Variants in PTPRD observed in about 807,000 individuals in gnomAD.
The protein encoded by PTPRD is protein tyrosine phosphatase receptor type D.
PTPRD carries 34 observed loss-of-function variants against 214.5 expected under a neutral mutation model. The observed-to-expected ratio is 0.16, with a 90% CI of 0.12 to 0.21. The LOEUF is 0.21. Ranked by LOEUF, PTPRD falls within the 10% of genes least tolerant of loss-of-function variation. PTPRD has a pLI of 1.00. For missense variants in PTPRD, 2,545 were observed against 2,398.7 expected, an observed-to-expected ratio of 1.06 and a Z score of -1.27; for synonymous variants, 1,128 against 845.7, an observed-to-expected ratio of 1.33 and a Z score of -5.79.
rs149346175 is a variant in PTPRD at position 8,390,489 on chromosome 9, C to T, written c.4211-1082G>A. Reference sequence around the variant, plus strand: ...GAGTACCCTGAGACATCAGAACTCCCTTGACAGCCCTTTATACTACTGATT... The same window carrying T: ...GAGTACCCTGAGACATCAGAACTCCTTTGACAGCCCTTTATACTACTGATT... On this transcript the variant is annotated intron_variant, in intron 36 of 45. Coordinates refer to ENST00000381196, the MANE Select transcript of PTPRD (RefSeq NM_002839.4). Among the ~76,000 whole-genome samples the T allele has an allele frequency of 3.3e-4, 51 of 152,240 alleles. 1 individual carries two copies. In the East Asian group the frequency reaches 9.9e-3, roughly 29 times the overall value.
chr9:8,897,766 T>C (rs1349294109), intron 11 of PTPRD, among the ~76,000 whole-genome samples: 1 of 152,160 alleles, frequency 6.6e-6, no homozygotes, highest in African/African-American at 2.4e-5. Context: ...CTGGAAAGAA[T>C]GCTGAGTTGG....
chr9:8,833,753 T>A (rs1195376533), intron 11 of PTPRD, among the ~76,000 whole-genome samples: 1 of 144,554 alleles, frequency 6.9e-6, no homozygotes, highest in Non-Finnish European at 1.5e-5. Context: ...CACACGATTC[T>A]ATATATATTA....
chr9:8,957,504 A>G (rs1339758407), intron 11 of PTPRD, among the ~76,000 whole-genome samples: 1 of 151,740 alleles, frequency 6.6e-6, no homozygotes, highest in Non-Finnish European at 1.5e-5. Flanking sequence ...AACCCTGTCC[A>G]CTATAAGTCA....
At chr9:8,833,051 T>C (rs2097331726) in intron 11 of PTPRD, among the ~76,000 whole-genome samples, 1 of 152,130 alleles carries the variant, frequency 6.6e-6, no homozygotes, top group Non-Finnish European at 1.5e-5. Context: ...TGATATCTTC[T>C]GTGTGCGACC....
chr9:8,942,915 G>A (rs569590017), intron 11 of PTPRD, among the ~76,000 whole-genome samples: 6 of 152,080 alleles, frequency 3.9e-5, no homozygotes, highest in Admixed American at 6.6e-5. Context: ...TATTAAATAA[G>A]TTTAGATTGA....
At chr9:9,950,444 G>GATCAAACTATCTTTTATACC (rs1586923741) in intron 4 of PTPRD, among the ~76,000 whole-genome samples, 2 of 96,214 alleles carry the variant, frequency 2.1e-5, no homozygotes, top group African/African-American at 7.9e-5. Flanking sequence ...GAAAGTGGAG[G>GATCAAACTATCTTTTATACC]CCGGGCGCGG....
chr9:9,186,996 A>G (rs1196285412), intron 9 of PTPRD, among the ~76,000 whole-genome samples: 1 of 151,730 alleles, frequency 6.6e-6, no homozygotes, highest in Non-Finnish European at 1.5e-5. Flanking sequence ...AGTATTATAT[A>G]AAATATAATA....
chr9:9,786,313 TATTGATAC>T (rs1268184205), intron 5 of PTPRD, among the ~76,000 whole-genome samples: 2 of 152,348 alleles, frequency 1.3e-5, no homozygotes, highest in African/African-American at 4.8e-5. Context: ...TTTTGAGAAT[TATTGATAC>T]ATTTGCATGC....
At chr9:9,685,327 A>G (rs2097148538) in intron 7 of PTPRD, among the ~76,000 whole-genome samples, 2 of 151,286 alleles carry the variant, frequency 1.3e-5, no homozygotes, top group South Asian at 4.1e-4. Context: ...TGGAATCCAC[A>G]TATATGCACA....
intron 9 of PTPRD, among the ~76,000 whole-genome samples, chr9:9,371,731 C>G (rs991913166): frequency 1.4e-4 from 22 of 152,124 alleles, no homozygotes; most frequent in Non-Finnish European, 2.2e-4. Context: ...ATCTTTCCTG[C>G]TTTCTCTTGT....
At chr9:10,341,229 G>GT (rs2096933446) in intron 2 of PTPRD, among the ~76,000 whole-genome samples, 1 of 151,880 alleles carries the variant, frequency 6.6e-6, no homozygotes, top group Admixed American at 6.6e-5. Context: ...ATGAAAAATT[G>GT]TAACACTTAA....
chr9:9,639,846 T>C (rs2095879480), intron 7 of PTPRD, among the ~76,000 whole-genome samples: 1 of 152,200 alleles, frequency 6.6e-6, no homozygotes, highest in Non-Finnish European at 1.5e-5. Flanking sequence ...GTGATCTTAT[T>C]ATCTCTAAGC....
chr9:8,477,893 C>T (rs1055478575), intron 30 of PTPRD, among the ~76,000 whole-genome samples: 10 of 152,226 alleles, frequency 6.6e-5, no homozygotes, highest in African/African-American at 2.4e-4. Context: ...TGGAGCCAGA[C>T]TGCCTGGATT....
intron 3 of PTPRD, among the ~76,000 whole-genome samples, chr9:10,238,698 G>A (rs1479741417): frequency 1.3e-5 from 2 of 151,908 alleles, no homozygotes; most frequent in African/African-American, 4.8e-5. Context: ...AAAAATTGTA[G>A]ACAATAATAT....
chr9:9,076,333 C>T (rs537608653), intron 10 of PTPRD, among the ~76,000 whole-genome samples: 164 of 152,210 alleles, frequency 1.1e-3, no homozygotes, highest in Non-Finnish European at 1.8e-3. Flanking sequence ...TTCCCCCGTT[C>T]TGTAGGTTGC....
chr9:10,230,065 G>T (rs544894130), intron 3 of PTPRD, among the ~76,000 whole-genome samples: 39 of 152,024 alleles, frequency 2.6e-4, no homozygotes, highest in African/African-American at 7.9e-4. Context: ...TGTATAAGCT[G>T]GTGCATTAGT....
At chr9:10,028,002 T>C (rs1362921247) in intron 4 of PTPRD, among the ~76,000 whole-genome samples, 1 of 152,216 alleles carries the variant, frequency 6.6e-6, no homozygotes, top group Non-Finnish European at 1.5e-5. Flanking sequence ...ATGGGTCATA[T>C]GGTTTGACTT....
At chr9:9,322,278 G>C (rs1456223974) in intron 9 of PTPRD, among the ~76,000 whole-genome samples, 1 of 152,158 alleles carries the variant, frequency 6.6e-6, no homozygotes, top group East Asian at 1.9e-4. Context: ...AACGATAAAA[G>C]CTACTGATTA....
chr9:10,305,776 A>G (rs1034323284), intron 3 of PTPRD, among the ~76,000 whole-genome samples: 1 of 152,006 alleles, frequency 6.6e-6, no homozygotes, highest in African/African-American at 2.4e-5. Context: ...GAAACAACAG[A>G]TGCCGGAGAG....
Sources: gnomAD v4.1 joint callset for allele counts (sites outside exome capture counted in the v4.1 genomes callset) on GRCh38, gnomAD v4.1.1 for gene constraint, MANE v1.5 for transcripts, NCBI Gene and HGNC (gene_info 2026-07-23, HGNC 2026-07-21) for gene names.